SLC35F3: variants seen among roughly 807,000 people sequenced by gnomAD.
SLC35F3 encodes the protein solute carrier family 35 member F3.
In SLC35F3, 25 loss-of-function variants were observed where a neutral mutation model predicts 49.9. The observed-to-expected ratio is 0.50, with a 90% confidence interval of 0.37 to 0.70. The LOEUF (loss-of-function observed/expected upper bound fraction) is 0.70, where lower values mean the gene tolerates loss of function less well. Ranked by LOEUF, SLC35F3 falls within the 30% of genes least tolerant of loss-of-function variation. SLC35F3 has a pLI of 0.00. For missense variants in SLC35F3, 525 were observed against 639.8 expected, an observed-to-expected ratio of 0.82 and a Z score of 1.94; for synonymous variants, 275 against 265.4, an observed-to-expected ratio of 1.04 and a Z score of -0.35.
At chr1:234,010,371 G>A (rs1352572689) in intron 2 of SLC35F3, among the ~76,000 whole-genome samples, 2 of 152,144 alleles carry the variant, frequency 1.3e-5, no homozygotes, top group African/African-American at 2.4e-5. Flanking sequence ...AAGATTCAAA[G>A]CATATCACTG....
chr1:234,117,596 A>C (rs1292161356), intron 2 of SLC35F3, among the ~76,000 whole-genome samples: 4 of 148,552 alleles, frequency 2.7e-5, no homozygotes, highest in African/African-American at 9.9e-5. Context: ...TGTCTAAAAA[A>C]AAAAAACAGG....
intron 2 of SLC35F3, among the ~76,000 whole-genome samples, chr1:234,196,275 C>T (rs1666808822): frequency 6.6e-6 from 1 of 152,222 alleles, no homozygotes; most frequent in South Asian, 2.1e-4. Flanking sequence ...GTAATCTTCC[C>T]CTTAATTTGC....
At chr1:234,104,905 C>T (rs180818237) in intron 2 of SLC35F3, among the ~76,000 whole-genome samples, 64 of 152,184 alleles carry the variant, frequency 4.2e-4, no homozygotes, top group African/African-American at 1.3e-3. Context: ...CCGAGGCAGG[C>T]GGATCACGGG....
intron 2 of SLC35F3, among the ~76,000 whole-genome samples, chr1:233,978,765 C>T (rs1460385089): frequency 3.0e-5 from 4 of 133,484 alleles, no homozygotes; most frequent in Non-Finnish European, 3.7e-5. Context: ...TGCGGTGGCT[C>T]ACGCCTGTAA....
At chr1:234,149,508 C>A (rs902156987) in intron 2 of SLC35F3, among the ~76,000 whole-genome samples, 1 of 152,160 alleles carries the variant, frequency 6.6e-6, no homozygotes, top group Admixed American at 6.5e-5. Context: ...GACTTCAACG[C>A]AGTCCTGTGG....
At chr1:234,112,114 G>A (rs900141823) in intron 2 of SLC35F3, among the ~76,000 whole-genome samples, 16 of 152,198 alleles carry the variant, frequency 1.1e-4, no homozygotes, top group African/African-American at 3.4e-4. Flanking sequence ...GCAGTGGCAG[G>A]AGGATCACTT....
At chr1:234,210,750 A>G (rs538407458) in intron 2 of SLC35F3, among the ~76,000 whole-genome samples, 1 of 152,394 alleles carries the variant, frequency 6.6e-6, no homozygotes, top group East Asian at 1.9e-4. Flanking sequence ...GTGCAGCCTG[A>G]TGCAATAGAA....
At chr1:234,000,640 A>G (rs1395848567) in intron 2 of SLC35F3, among the ~76,000 whole-genome samples, 2 of 152,252 alleles carry the variant, frequency 1.3e-5, no homozygotes, top group Non-Finnish European at 2.9e-5. Context: ...AAAAACTGGA[A>G]TGGAACAGAA....
At chr1:234,204,770 A>G (rs1666947195) in intron 2 of SLC35F3, among the ~76,000 whole-genome samples, 2 of 152,344 alleles carry the variant, frequency 1.3e-5, no homozygotes, top group South Asian at 4.1e-4. Flanking sequence ...CAGTGGCTCA[A>G]TCAGGAGCAG....
intron 2 of SLC35F3, among the ~76,000 whole-genome samples, chr1:234,116,088 G>T (rs2102890208): frequency 6.6e-6 from 1 of 152,290 alleles, no homozygotes; most frequent in South Asian, 2.1e-4. Context: ...TGAAAGGAGG[G>T]CATAAAGGAA....
intron 2 of SLC35F3, 79 bp downstream of exon 2, chr1:233,905,837 G>C: frequency 5.2e-6 from 7 of 1,335,958 alleles, no homozygotes; most frequent in Non-Finnish European, 5.2e-6. Flanking sequence ...GGGAGCGCAC[G>C]CAGTGAGGCG....
chr1:233,926,058 C>T (rs1662153164), intron 2 of SLC35F3, among the ~76,000 whole-genome samples: 2 of 152,072 alleles, frequency 1.3e-5, no homozygotes, highest in South Asian at 2.1e-4. Flanking sequence ...CTCTGGCTGC[C>T]CTTAACATTT....
chr1:234,084,207 G>T (rs537217289), intron 2 of SLC35F3, among the ~76,000 whole-genome samples: 40 of 141,616 alleles, frequency 2.8e-4, no homozygotes, highest in African/African-American at 1.1e-3. Context: ...GTCACTGTTG[G>T]TGATAAGGAA....
At chr1:234,110,739 G>A (rs554988574) in intron 2 of SLC35F3, among the ~76,000 whole-genome samples, 5 of 152,318 alleles carry the variant, frequency 3.3e-5, no homozygotes, top group East Asian at 3.9e-4. Flanking sequence ...AAATTTGGAA[G>A]GGTTTTTAGC....
At chr1:234,309,074 A>G (rs1657285273) in intron 3 of SLC35F3, 27 bp from the exon 4 acceptor site, 1 of 1,600,862 alleles carries the variant, frequency 6.2e-7, no homozygotes, top group African/African-American at 1.3e-5. Context: ...GGAAAATAAT[A>G]ACGATGCCTC....
intron 2 of SLC35F3, among the ~76,000 whole-genome samples, chr1:233,919,026 A>T (rs1405363752): frequency 2.6e-5 from 4 of 152,184 alleles, no homozygotes; most frequent in Non-Finnish European, 5.9e-5. Context: ...TTAATATTTG[A>T]TGAATCTATC....
At chr1:234,179,774 G>GGAGA (rs1157458983) in intron 2 of SLC35F3, among the ~76,000 whole-genome samples, 1 of 152,152 alleles carries the variant, frequency 6.6e-6, no homozygotes, top group Non-Finnish European at 1.5e-5. Flanking sequence ...CAATTAAAGA[G>GGAGA]GAGAATAAAG....
chr1:234,275,666 G>A (rs1668193992), intron 3 of SLC35F3, among the ~76,000 whole-genome samples: 1 of 151,484 alleles, frequency 6.6e-6, no homozygotes, highest in African/African-American at 2.4e-5. Flanking sequence ...ACATCACTCA[G>A]GTCCTGACCT....
At chr1:233,967,163 T>C (rs905912811) in intron 2 of SLC35F3, among the ~76,000 whole-genome samples, 1 of 152,236 alleles carries the variant, frequency 6.6e-6, no homozygotes. Flanking sequence ...AATTCATTGT[T>C]AATCTGAAAT....
Sources: gnomAD v4.1 joint callset for allele counts (sites outside exome capture counted in the v4.1 genomes callset) on GRCh38, gnomAD v4.1.1 for gene constraint, MANE v1.5 for transcripts, NCBI Gene and HGNC (gene_info 2026-07-23, HGNC 2026-07-21) for gene names.